THNSL1: variants seen among roughly 807,000 people sequenced by gnomAD.
THNSL1 encodes the protein threonine synthase like 1.
Under a neutral mutation model 50.4 loss-of-function variants are expected in THNSL1, and 48 were observed. The ratio of observed to expected loss-of-function variants is 0.95; its 90% CI spans 0.76 to 1.21. The LOEUF (loss-of-function observed/expected upper bound fraction) is 1.21, where lower values mean the gene tolerates loss of function less well. Among genes scored for constraint, THNSL1 ranks in the 50% most tolerant of loss-of-function variants. The pLI is 0.00. For synonymous variants in THNSL1, 309 were observed against 306.1 expected (o/e 1.01, Z -0.10); for missense variants, 896 against 871.7 (o/e 1.03, Z -0.35).
the THNSL1 span, among the ~76,000 whole-genome samples, chr10:24,986,528 G>T: frequency 1.3e-5 from 2 of 152,174 alleles, no homozygotes; most frequent in South Asian, 4.1e-4. Flanking sequence ...TGTGAAAGAG[G>T]TTCCCACAGT....
chr10:24,952,585 G>A, the THNSL1 span: 24 of 1,582,660 alleles, frequency 1.5e-5, no homozygotes, highest in Non-Finnish European at 2.1e-5. The surrounding 1 kb of genome is among the most constrained non-coding windows in gnomAD (Gnocchi z 5.1). Context: ...TGTTTCTCCC[G>A]GGGAACGCGG....
At chr10:24,998,477 C>T in the THNSL1 span, among the ~76,000 whole-genome samples, 4 of 151,802 alleles carry the variant, frequency 2.6e-5, no homozygotes, top group African/African-American at 9.7e-5. Flanking sequence ...TGGGCTCAAG[C>T]GATCCTTCCA....
the THNSL1 span, among the ~76,000 whole-genome samples, chr10:24,990,831 C>T: frequency 1.2e-4 from 18 of 152,114 alleles, no homozygotes; most frequent in Admixed American, 4.6e-4. Flanking sequence ...TAGTGGCTCA[C>T]ACCTGTAATC....
Position 25,024,649 on chromosome 10 carries a change from C to T in THNSL1, c.1426C>T (p.Leu476=), listed in dbSNP as rs1160428503. ...SSANSINWGR[L]LPQVVYHASA... ...GGCTAACTCCATAAACTGGGGCCGA[C>T]TACTTCCGCAGGTAGTTTATCATGC... is the stretch of plus-strand genomic sequence containing the variant. Residue 476 remains leucine (L), a synonymous_variant, in exon 3 of 3, where the codon CTA becomes TTA. Coordinates refer to ENST00000376356, the MANE Select transcript of THNSL1 (RefSeq NM_024838.5). 6.2e-7 allele frequency: 1 copy of T among 1,614,232 alleles called. No homozygotes were observed. Among genetic ancestry groups the T allele is most frequent in the East Asian group, 2.2e-5 (1 of 44,888 alleles).
chr10:25,014,967 T>C (rs1331687620), upstream of THNSL1, among the ~76,000 whole-genome samples: 1 of 152,222 alleles, frequency 6.6e-6, no homozygotes, highest in African/African-American at 2.4e-5. Flanking sequence ...AACTTTATTC[T>C]AAAGTTCACA....
chr10:24,965,590 T>C, the THNSL1 span, among the ~76,000 whole-genome samples: 1 of 152,230 alleles, frequency 6.6e-6, no homozygotes, highest in Non-Finnish European at 1.5e-5. Context: ...TGAAATATAA[T>C]CAGAAATGCC....
chr10:25,002,442 T>G, the THNSL1 span, among the ~76,000 whole-genome samples: 1 of 152,190 alleles, frequency 6.6e-6, no homozygotes, highest in Non-Finnish European at 1.5e-5. Flanking sequence ...TTTGTTTTAA[T>G]TTTTTCTTCT....
At chr10:25,002,918 G>A in the THNSL1 span, among the ~76,000 whole-genome samples, 5 of 149,476 alleles carry the variant, frequency 3.3e-5, no homozygotes, top group African/African-American at 1.2e-4. Context: ...AATTTCATTT[G>A]GGGTAAAAAA....
upstream of THNSL1, chr10:25,015,970 A>C (rs1850560456): frequency 1.3e-6 from 2 of 1,589,638 alleles, no homozygotes; most frequent in African/African-American, 1.4e-5. Flanking sequence ...GCTACTCTCC[A>C]CAACTTTTTT....
At chr10:24,990,417 G>C in the THNSL1 span, 1 of 1,568,236 alleles carries the variant, frequency 6.4e-7, no homozygotes, top group Non-Finnish European at 8.6e-7. Context: ...TTCTTTCAGA[G>C]ATGATCCAAA....
chr10:24,982,826 A>G, the THNSL1 span: 2 of 152,210 alleles, frequency 1.3e-5, no homozygotes, highest in African/African-American at 4.8e-5. Context: ...CCATAGAGAA[A>G]AGTCTAGATT....
chr10:24,987,082 A>C, the THNSL1 span, among the ~76,000 whole-genome samples: 1 of 152,194 alleles, frequency 6.6e-6, no homozygotes, highest in African/African-American at 2.4e-5. Context: ...CAGCCACAGA[A>C]GGCCCTGGAG....
At chr10:24,993,541 G>C in the THNSL1 span, among the ~76,000 whole-genome samples, 4,402 of 152,246 alleles carry the variant, frequency 0.029, 143 homozygotes, top group African/African-American at 0.079. Context: ...TAATTCACTT[G>C]GAGCTGAAAT....
the THNSL1 span, among the ~76,000 whole-genome samples, chr10:24,998,983 G>A: frequency 6.6e-6 from 1 of 152,314 alleles, no homozygotes; most frequent in African/African-American, 2.4e-5. Context: ...GAGCCCAGTA[G>A]TTGCTTCAAC....
the THNSL1 span, among the ~76,000 whole-genome samples, chr10:25,003,830 C>T: frequency 6.6e-6 from 1 of 152,150 alleles, no homozygotes; most frequent in African/African-American, 2.4e-5. Context: ...CTCCTTCCAC[C>T]CCCAGCCTCC....
chr10:24,975,654 A>G, the THNSL1 span, among the ~76,000 whole-genome samples: 2 of 152,102 alleles, frequency 1.3e-5, no homozygotes, highest in African/African-American at 4.8e-5. Context: ...ACGCTCTCTC[A>G]CCTGCCACCA....
chr10:25,024,847 G>T lies in THNSL1; in HGVS notation c.1624G>T (p.Asp542Tyr). Residue 542 changes from aspartate to tyrosine, a missense_variant, in exon 3 of 3, where the codon GAT (aspartate) becomes TAT (tyrosine). Coordinates refer to ENST00000376356, the MANE Select transcript of THNSL1 (RefSeq NM_024838.5). ...CASNQNHVLT[D>Y]FIKTGHYDLR... ...CTCTAATCAGAACCATGTTTTGACT[G>T]ATTTTATAAAAACAGGACATTATGA... 6.2e-7 allele frequency: 1 copy of T among 1,614,058 alleles called. No homozygotes were observed. The highest frequency in any genetic ancestry group is 1.1e-5 in the South Asian group (1 of 91,066).
chr10:24,956,815 G>A, the THNSL1 span, among the ~76,000 whole-genome samples: 1 of 152,172 alleles, frequency 6.6e-6, no homozygotes, highest in African/African-American at 2.4e-5. Flanking sequence ...CTGCACTGTA[G>A]GAGGTGAGTG....
chr10:24,970,419 G>A, the THNSL1 span, among the ~76,000 whole-genome samples: 1 of 152,112 alleles, frequency 6.6e-6, no homozygotes, highest in South Asian at 2.1e-4. Flanking sequence ...TAAGATATTT[G>A]CATATCCAGG....
Sources: gnomAD v4.1 joint callset for allele counts (sites outside exome capture counted in the v4.1 genomes callset) on GRCh38, gnomAD v4.1.1 for gene constraint, Gnocchi (gnomAD v3.1) non-coding constraint, MANE v1.5 for transcripts, NCBI Gene and HGNC (gene_info 2026-07-23, HGNC 2026-07-21) for gene names.